AP3B1: variants seen among roughly 807,000 people sequenced by gnomAD.
The protein encoded by AP3B1 is adaptor related protein complex 3 subunit beta 1.
A neutral mutation model predicts 132.5 loss-of-function variants in AP3B1; 61 were observed. That is an observed-to-expected ratio of 0.46 (90% confidence interval 0.37 to 0.57). The LOEUF (loss-of-function observed/expected upper bound fraction) is 0.57, where lower values mean the gene tolerates loss of function less well. Among genes scored for constraint, AP3B1 ranks in the 20% least tolerant of loss-of-function variants. The pLI is 0.00. For missense variants in AP3B1, 1,120 were observed against 1,289.4 expected, an observed-to-expected ratio of 0.87 and a Z score of 2.01; for synonymous variants, 388 against 438.3, an observed-to-expected ratio of 0.89 and a Z score of 1.43.
intron 2 of AP3B1, among the ~76,000 whole-genome samples, chr5:78,259,850 A>G (rs1748008683): frequency 6.6e-6 from 1 of 151,934 alleles, no homozygotes; most frequent in Non-Finnish European, 1.5e-5. Context: ...GGCGCCTGTA[A>G]TCCCAGCTAT....
At chr5:78,060,410 A>C (rs1226043673) in intron 22 of AP3B1, among the ~76,000 whole-genome samples, 1 of 152,212 alleles carries the variant, frequency 6.6e-6, no homozygotes, top group Non-Finnish European at 1.5e-5. Context: ...AGAAACACAC[A>C]TGTAGAAGGA....
At chr5:78,145,173 A>C (rs1345870929) in intron 14 of AP3B1, among the ~76,000 whole-genome samples, 1 of 152,250 alleles carries the variant, frequency 6.6e-6, no homozygotes, top group Non-Finnish European at 1.5e-5. Flanking sequence ...TTTAGTTTTT[A>C]TATTTTCAAT....
intron 7 of AP3B1, among the ~76,000 whole-genome samples, chr5:78,191,354 CAAAAAAAAAAAA>C (rs34733864): frequency 7.0e-4 from 51 of 72,854 alleles, no homozygotes; most frequent in Middle Eastern, 7.4e-3. Context: ...TGCTTTTCCC[CAAAAAAAAAAAA>C]AAAAAAAAAA....
At chr5:78,068,533 G>C (rs541776301) in intron 22 of AP3B1, among the ~76,000 whole-genome samples, 50 of 151,664 alleles carry the variant, frequency 3.3e-4, no homozygotes, top group Admixed American at 9.2e-4. Context: ...GAAGAAATGG[G>C]TAAATACCAA....
chr5:78,180,734 T>C (rs1273655063), intron 8 of AP3B1, among the ~76,000 whole-genome samples: 3 of 152,032 alleles, frequency 2.0e-5, no homozygotes, highest in African/African-American at 4.8e-5. Flanking sequence ...TATATATGTA[T>C]GTGTAACCAT....
chr5:78,151,740 G>T (rs1431508597), intron 14 of AP3B1, among the ~76,000 whole-genome samples: 1 of 151,974 alleles, frequency 6.6e-6, no homozygotes, highest in African/African-American at 2.4e-5. Flanking sequence ...AAATGTTGTT[G>T]AATTCAGTTT....
At chr5:78,030,328 T>G (rs933169233) in intron 24 of AP3B1, among the ~76,000 whole-genome samples, 2 of 152,182 alleles carry the variant, frequency 1.3e-5, no homozygotes, top group African/African-American at 2.4e-5. Context: ...GAAAATATTC[T>G]ATTACAGCAT....
intron 7 of AP3B1, among the ~76,000 whole-genome samples, chr5:78,212,479 T>A (rs952961932): frequency 1.3e-5 from 2 of 152,182 alleles, no homozygotes; most frequent in Non-Finnish European, 2.9e-5. Context: ...TAGTGACACT[T>A]TTTCCTACTG....
At chr5:78,116,001 T>C (rs1459550947) in intron 18 of AP3B1, 125 bp downstream of exon 18, 1 of 737,950 alleles carries the variant, frequency 1.4e-6, no homozygotes, top group Non-Finnish European at 2.4e-6. Context: ...ATGAAAGGGA[T>C]TATTTTGATA....
chr5:78,045,385 A>C (rs1297976646), intron 22 of AP3B1, among the ~76,000 whole-genome samples: 1 of 151,154 alleles, frequency 6.6e-6, no homozygotes, highest in Non-Finnish European at 1.5e-5. Flanking sequence ...TGTCTCAAAA[A>C]AAAAAAAAAA....
chr5:78,143,687 A>G (rs1753253038), intron 14 of AP3B1, among the ~76,000 whole-genome samples: 1 of 152,158 alleles, frequency 6.6e-6, no homozygotes, highest in Non-Finnish European at 1.5e-5. Context: ...AAAGATTTGA[A>G]GCACCTGAAA....
downstream of AP3B1, chr5:78,000,526 C>T (rs967361440): frequency 1.3e-5 from 2 of 152,058 alleles, no homozygotes; most frequent in Non-Finnish European, 2.9e-5. Flanking sequence ...AAATAGTTAT[C>T]GAGAAGGACA....
At chr5:78,232,719 T>TTTC (rs1746698829) in intron 3 of AP3B1, among the ~76,000 whole-genome samples, 2 of 152,132 alleles carry the variant, frequency 1.3e-5, no homozygotes, top group South Asian at 4.1e-4. Context: ...TTCTTTCTTT[T>TTTC]TTTTTTAGAC....
At chr5:78,114,014 C>T in intron 18 of AP3B1, 91 bp from the exon 19 acceptor site, 2 of 1,432,118 alleles carry the variant, frequency 1.4e-6, no homozygotes, top group South Asian at 2.5e-5. Context: ...ACAAATGAAA[C>T]CAGATGTTGA....
At chr5:78,217,570 A>G (rs911936523) in intron 6 of AP3B1, among the ~76,000 whole-genome samples, 1 of 152,082 alleles carries the variant, frequency 6.6e-6, no homozygotes, top group African/African-American at 2.4e-5. Context: ...TTTCAATCAC[A>G]TTTTGATGTC....
chr5:78,001,549 C>T (rs776761132), downstream of AP3B1: 1 of 152,178 alleles, frequency 6.6e-6, no homozygotes, highest in Non-Finnish European at 1.5e-5. Context: ...CTTTCTGGAG[C>T]AGGAAAATTT....
chr5:78,123,807 A>C (rs976935420), intron 17 of AP3B1, among the ~76,000 whole-genome samples: 1 of 151,988 alleles, frequency 6.6e-6, no homozygotes, highest in Admixed American at 6.6e-5. Context: ...TCAGGGATCT[A>C]GAACTAGAAA....
chr5:78,081,376 C>T (rs1436851829), intron 22 of AP3B1, among the ~76,000 whole-genome samples: 2 of 142,238 alleles, frequency 1.4e-5, no homozygotes, highest in Non-Finnish European at 3.0e-5. Context: ...GGCGCGATCT[C>T]GGCTCACTGC....
chr5:78,155,255 T>C (rs1743098244), intron 14 of AP3B1, among the ~76,000 whole-genome samples: 1 of 152,166 alleles, frequency 6.6e-6, no homozygotes, highest in Non-Finnish European at 1.5e-5. Flanking sequence ...CCAATCCCTG[T>C]GCTCTCCCTC....
Sources: gnomAD v4.1 joint callset for allele counts (sites outside exome capture counted in the v4.1 genomes callset) on GRCh38, gnomAD v4.1.1 for gene constraint, MANE v1.5 for transcripts, NCBI Gene and HGNC (gene_info 2026-07-23, HGNC 2026-07-21) for gene names.